OCA2: variants seen among roughly 807,000 people sequenced by gnomAD.
The protein encoded by OCA2 is P protein.
Under a neutral mutation model 100.2 loss-of-function variants are expected in OCA2, and 77 were observed. The ratio of observed to expected loss-of-function variants is 0.77; its 90% CI spans 0.64 to 0.93. OCA2 has a LOEUF of 0.93. Ranked by LOEUF, OCA2 falls within the 40% of genes least tolerant of loss-of-function variation. The pLI is 0.00. For missense variants in OCA2, 1,062 were observed against 1,089.1 expected (o/e 0.98, Z 0.35); for synonymous variants, 432 against 439.2 (o/e 0.98, Z 0.21).
chr15:28,088,654 G>A (rs969067705), intron 1 of OCA2, among the ~76,000 whole-genome samples: 20 of 152,162 alleles, frequency 1.3e-4, no homozygotes, highest in African/African-American at 4.8e-4. Flanking sequence ...GTTCCGTGAT[G>A]CCCCCTGAGC....
chr15:28,077,989 G>T (rs754093687), intron 2 of OCA2, among the ~76,000 whole-genome samples: 3 of 152,214 alleles, frequency 2.0e-5, no homozygotes, highest in Non-Finnish European at 4.4e-5. Flanking sequence ...CTGAGAAGGA[G>T]AATCGCCTGA....
intron 19 of OCA2, among the ~76,000 whole-genome samples, chr15:27,922,783 A>AT (rs1213827193): frequency 0.012 from 1,681 of 137,082 alleles, 26 homozygotes; most frequent in African/African-American, 0.038. Flanking sequence ...ACCCACCATC[A>AT]TTTTTTTTTT....
chr15:27,851,315 T>C, intron 22 of OCA2, 67 bp downstream of exon 22: 1 of 1,265,894 alleles, frequency 7.9e-7, no homozygotes, highest in Non-Finnish European at 1.1e-6. Flanking sequence ...ACACACTAAC[T>C]GTTGCTTTGG....
chr15:27,729,259 G>A, the OCA2 span, among the ~76,000 whole-genome samples: 1 of 140,420 alleles, frequency 7.1e-6, no homozygotes, highest in Admixed American at 7.1e-5. Context: ...ACTTTCTTCT[G>A]TTTCCTCATG....
chr15:27,725,361 G>A, the OCA2 span, among the ~76,000 whole-genome samples: 1 of 152,206 alleles, frequency 6.6e-6, no homozygotes, highest in African/African-American at 2.4e-5. Flanking sequence ...TGGATCACCT[G>A]AGGTCAGGAG....
intron 22 of OCA2, among the ~76,000 whole-genome samples, chr15:27,848,372 G>A (rs1567019867): frequency 6.6e-6 from 1 of 152,234 alleles, no homozygotes; most frequent in Non-Finnish European, 1.5e-5. Context: ...AGATGCCAAC[G>A]ATGTTGCAGT....
chr15:27,899,357 G>T (rs2037832347), intron 19 of OCA2, among the ~76,000 whole-genome samples: 1 of 152,190 alleles, frequency 6.6e-6, no homozygotes, highest in South Asian at 2.1e-4. Flanking sequence ...TTGCTGATGT[G>T]ATTAAGTTGA....
At chr15:27,977,915 A>AT (rs1490972042) in intron 14 of OCA2, among the ~76,000 whole-genome samples, 1 of 152,178 alleles carries the variant, frequency 6.6e-6, no homozygotes, top group African/African-American at 2.4e-5. Flanking sequence ...GATCCACTGG[A>AT]TCTTGAACTT....
the OCA2 span, among the ~76,000 whole-genome samples, chr15:27,740,399 G>A: frequency 1.3e-5 from 2 of 152,090 alleles, no homozygotes; most frequent in African/African-American, 4.8e-5. Flanking sequence ...GCCACAGGCT[G>A]CAGCCCTGAC....
intron 7 of OCA2, 34 bp from the exon 8 acceptor site, chr15:28,016,220 T>A: frequency 6.5e-7 from 1 of 1,536,322 alleles, no homozygotes; most frequent in Non-Finnish European, 9.0e-7. Flanking sequence ...ATGGTGAGGC[T>A]TTTCACCTGA....
the OCA2 span, among the ~76,000 whole-genome samples, chr15:27,740,463 G>A: frequency 7.3e-4 from 111 of 152,174 alleles, 1 homozygote; most frequent in East Asian, 9.7e-3. Context: ...GGGTCCACTC[G>A]TGCATCTGGT....
At chr15:27,761,036 C>A (rs539283710) in intron 23 of OCA2, among the ~76,000 whole-genome samples, 1 of 151,954 alleles carries the variant, frequency 6.6e-6, no homozygotes, top group South Asian at 2.1e-4. Context: ...GCTTCTCCCC[C>A]ACAGGATTCT....
intron 23 of OCA2, among the ~76,000 whole-genome samples, chr15:27,833,699 A>G (rs547819056): frequency 6.6e-6 from 1 of 152,332 alleles, no homozygotes; most frequent in East Asian, 1.9e-4. Flanking sequence ...CAGTTATAGG[A>G]AATTTGATCC....
intron 11 of OCA2, among the ~76,000 whole-genome samples, chr15:27,986,918 A>C (rs765744781): frequency 1.3e-5 from 2 of 152,216 alleles, no homozygotes. Flanking sequence ...CTCACACACA[A>C]AAAAATCAGG....
At chr15:27,951,651 C>A (rs1307757185) in intron 18 of OCA2, 133 bp downstream of exon 18, 6 of 731,012 alleles carry the variant, frequency 8.2e-6, no homozygotes, top group African/African-American at 3.5e-5. Flanking sequence ...GCTGCCCACC[C>A]TCCATCTCAG....
At chr15:27,887,210 C>T (rs1162298367) in intron 19 of OCA2, among the ~76,000 whole-genome samples, 1 of 152,188 alleles carries the variant, frequency 6.6e-6, no homozygotes, top group Non-Finnish European at 1.5e-5. Context: ...TTGTAAATTG[C>T]CCAGTCTGGG....
chr15:28,024,948 G>GT lies in OCA2; in HGVS notation c.516-47dup, dbSNP rs753573864. ...CCTTAGTGGCAAGGGCAGCAGTCCTGTTGCCCAGACTCAGACACTTTTCTG... is the reference window on the plus strand; with the variant it reads ...CCTTAGTGGCAAGGGCAGCAGTCCTGTTTGCCCAGACTCAGACACTTTTCTG... On this transcript the variant is annotated intron_variant, in intron 4 of 23. Transcript: ENST00000354638. 2.5e-6 allele frequency: 4 copies of GT among 1,589,310 alleles called. No individual in the cohort carries two copies. In the Admixed American group the frequency reaches 6.8e-5, roughly 27 times the overall value.
rs140425658 is a variant in OCA2 at position 27,814,468 on chromosome 15, A to G, written c.2432+30491T>C. Among the ~76,000 whole-genome samples, 633 of 152,336 alleles carry G rather than the reference A, an allele frequency of 4.2e-3. 5 individuals carry two copies. The highest frequency in any genetic ancestry group is 0.015 in the African/African-American group (612 of 41,576). On this transcript the variant is annotated intron_variant, in intron 23 of 23. Coordinates refer to ENST00000354638, the MANE Select transcript of OCA2 (RefSeq NM_000275.3). Reference sequence around the variant, plus strand: ...AAAACAGCTTTCAATCATCCACTGAATAGTCATGGGAAACTTGAAACTACT... The same window carrying G: ...AAAACAGCTTTCAATCATCCACTGAGTAGTCATGGGAAACTTGAAACTACT...
chr15:28,078,185 A>G (rs1466030262), intron 2 of OCA2, among the ~76,000 whole-genome samples: 1 of 152,286 alleles, frequency 6.6e-6, no homozygotes, highest in East Asian at 1.9e-4. Flanking sequence ...AGTTGCAAAC[A>G]GTGAAAGATG....
Sources: allele counts gnomAD v4.1 joint callset (sites outside exome capture counted in the v4.1 genomes callset), GRCh38; gene constraint gnomAD v4.1.1; transcripts MANE v1.5; gene names NCBI Gene and HGNC (gene_info 2026-07-23, HGNC 2026-07-21).